The following HMCN2 variants were observed in gnomAD, a reference collection of about 807,000 sequenced individuals.
HMCN2 encodes hemicentin-2.
A neutral mutation model predicts 377.5 loss-of-function variants in HMCN2; 325 were observed. The ratio of observed to expected loss-of-function variants is 0.86; its 90% CI spans 0.79 to 0.94. HMCN2 has a LOEUF of 0.94. Ranked by LOEUF, HMCN2 falls within the 40% of genes least tolerant of loss-of-function variation. HMCN2 has a pLI of 0.00. For missense variants in HMCN2, 4,543 were observed against 4,725.3 expected (o/e 0.96, Z 1.13); for synonymous variants, 2,007 against 2,046.8 (o/e 0.98, Z 0.53).
intron 8 of HMCN2, among the ~76,000 whole-genome samples, chr9:130,301,461 G>A (rs1363144003): frequency 2.0e-5 from 3 of 152,246 alleles, no homozygotes; most frequent in African/African-American, 7.2e-5. Context: ...CTGGGAGGCT[G>A]GAATTTCGCC....
At chr9:130,429,491 T>C (rs1398850577) in intron 93 of HMCN2, 66 bp from the exon 94 acceptor site, 2 of 1,539,768 alleles carry the variant, frequency 1.3e-6, no homozygotes, top group Non-Finnish European at 1.8e-6. Context: ...AGGGGGATGG[T>C]CCGTCCCTTG....
intron 5 of HMCN2, among the ~76,000 whole-genome samples, chr9:130,295,442 G>A (rs1836073692): frequency 6.6e-6 from 1 of 152,102 alleles, no homozygotes; most frequent in African/African-American, 2.4e-5. Flanking sequence ...TTCTGAGGAT[G>A]TCATGAGCAC....
In HMCN2 at chr9:130,393,248, C is replaced by T; in HGVS notation, c.10173C>T (p.Phe3391=). 1.0e-6 allele frequency: 1 copy of T among 988,576 alleles called. No individual in the cohort carries two copies. Among genetic ancestry groups the T allele is most frequent in the Non-Finnish European group, 1.2e-6 (1 of 830,472 alleles). 61.2% of individuals were successfully genotyped at this position (988,576 alleles called of 1,614,324 possible). The change falls in exon 67 of 98, where the codon TTC becomes TTT. Residue 3391 remains phenylalanine (F), a synonymous_variant. Transcript: ENST00000683500. This position sits in a 1 kb window ranked among gnomAD's most constrained non-coding sequence, Gnocchi z 5.2. ...TGCAATTGGCAGACGCTGGCATCTT[C>T]ACCTGTGTGGCCGCAAGCCCAGCTG... is the stretch of plus-strand genomic sequence containing the variant. The part of the protein sequence containing the change: ...SKVQLADAGI[F]TCVAASPAGV...
At chr9:130,406,350 G>A in intron 82 of HMCN2, 182 bp downstream of exon 82, 1 of 406,818 alleles carries the variant, frequency 2.5e-6, no homozygotes, top group South Asian at 1.9e-5. Flanking sequence ...GTGGCCATAT[G>A]TGACAAGCCA....
chr9:130,419,141 A>G lies in HMCN2; in HGVS notation c.13231+100A>G, dbSNP rs555610459. On this transcript the variant is annotated intron_variant, in intron 86 of 97. Coordinates refer to ENST00000683500, the MANE Select transcript of HMCN2 (RefSeq NM_001291815.2). The stretch of plus-strand genomic sequence containing the variant: ...TGGGAGACCTGTCCCCTGCCTTGCC[A>G]GCTCCCCACCTCTTCCCTTTGCTTC... 47 of 1,185,744 alleles carry G rather than the reference A, an allele frequency of 4.0e-5. No homozygotes were observed. In the African/African-American group the frequency reaches 6.9e-4, roughly 17 times the overall value. 73.5% of individuals were successfully genotyped at this position (1,185,744 alleles called of 1,614,324 possible).
intron 4 of HMCN2, among the ~76,000 whole-genome samples, chr9:130,294,621 C>T (rs1286366715): frequency 6.6e-6 from 1 of 152,214 alleles, no homozygotes; most frequent in African/African-American, 2.4e-5. Flanking sequence ...TAGAGGGACA[C>T]ACCCTTGCTC....
chr9:130,364,636 C>A, intron 40 of HMCN2, 78 bp from the exon 41 acceptor site: 1 of 790,908 alleles, frequency 1.3e-6, no homozygotes, highest in Non-Finnish European at 1.5e-6. Context: ...AGTAGCTAGG[C>A]CTGACCCAGG....
In HMCN2 at chr9:130,422,804, C is replaced by A; in HGVS notation, c.13381+78C>A. ...GAGCATCCTCCAGAACATGCTGGAC[C>A]TAGGAGGCGCAGAGCCTGTGCCCCG... On this transcript the variant is annotated intron_variant, in intron 87 of 97. Transcript: ENST00000683500. This position sits in a 1 kb window ranked among gnomAD's most constrained non-coding sequence, Gnocchi z 4.2. 8.7e-7 allele frequency: 1 copy of A among 1,151,926 alleles called. No homozygotes were observed. Among genetic ancestry groups the A allele is most frequent in the Non-Finnish European group, 1.1e-6 (1 of 908,394 alleles). The allele number at this position is 1,151,926 out of a possible 1,614,324, so 71.4% of individuals were successfully genotyped here.
intron 1 of HMCN2, 61 bp downstream of exon 1, chr9:130,266,198 C>A (rs1407734953): frequency 3.0e-6 from 1 of 328,484 alleles, no homozygotes; most frequent in Non-Finnish European, 5.7e-6. Context: ...ACCTGCCTGA[C>A]CCCCTCAGTT....
chr9:130,313,351 G>A (rs1444342025), intron 15 of HMCN2, among the ~76,000 whole-genome samples: 1 of 146,154 alleles, frequency 6.8e-6, no homozygotes, highest in Non-Finnish European at 1.6e-5. Context: ...AGGAGGGCCT[G>A]CACTTGTGGA....
chr9:130,354,863 C>A lies in HMCN2; in HGVS notation c.4965C>A (p.Ser1655=). Residue 1655 remains serine (S), a synonymous_variant, in exon 32 of 98, where the codon TCC becomes TCA. Coordinates refer to ENST00000683500, the MANE Select transcript of HMCN2 (RefSeq NM_001291815.2). Reference sequence around the variant, plus strand: ...AGTGCGTGGCCAGAGGCCACCCGTCCCCCACCCTCTCCTGGCACCACGAGG... The same window carrying A: ...AGTGCGTGGCCAGAGGCCACCCGTCACCCACCCTCTCCTGGCACCACGAGG... ...ALECVARGHP[S]PTLSWHHEGL... 4 of 1,304,270 alleles carry A rather than the reference C, an allele frequency of 3.1e-6. No individual in the cohort carries two copies. The highest frequency in any genetic ancestry group is 4.0e-6 in the Non-Finnish European group (4 of 988,944). The allele number at this position is 1,304,270 out of a possible 1,614,324, so 80.8% of individuals were successfully genotyped here. A position where few individuals can be genotyped will look rare whatever the true frequency, so the allele number is the denominator to read the frequency against.
intron 7 of HMCN2, 83 bp downstream of exon 7, chr9:130,296,877 G>T (rs577841975): frequency 1.3e-4 from 60 of 446,474 alleles, no homozygotes; most frequent in Middle Eastern, 1.2e-3. Flanking sequence ...GGGGAGGTGT[G>T]GGGGGAATGC....
chr9:130,433,583 C>T lies in HMCN2; in HGVS notation c.15130C>T (p.Arg5044Cys). ...LRAGLGAVYT[R>C]RALTRAGLYR... is the part of the protein sequence containing the mutation. ...CGCGGGCCTTGGCGCGGTCTACACC[C>T]GTCGCGCGCTCACCCGCGCCGGCCT... Residue 5044 changes from arginine (R) to cysteine (C), a missense_variant, in exon 98 of 98, where the codon CGT becomes TGT. Around this residue, in one of 5 missense-constraint regions of HMCN2, gnomAD observed 1,155 missense variants for 1,157.7 expected, o/e 1.00. Transcript: ENST00000683500. The T allele has an allele frequency of 6.6e-7, 1 of 1,508,444 alleles. No individual in the cohort carries two copies. The highest frequency in any genetic ancestry group is 8.8e-7 in the Non-Finnish European group (1 of 1,131,148). The allele number at this position is 1,508,444 out of a possible 1,614,324, so 93.4% of individuals were successfully genotyped here. A position where few individuals can be genotyped will look rare whatever the true frequency, so the allele number is the denominator to read the frequency against.
intron 44 of HMCN2, 40 bp downstream of exon 44, chr9:130,368,477 T>C: frequency 3.1e-6 from 3 of 976,146 alleles, no homozygotes; most frequent in African/African-American, 1.8e-5. Context: ...TCTGGGATCA[T>C]GGACTGGCTG....
rs1475067143 is a variant in HMCN2, at chr9:130,351,358, G to T, written c.4431-65G>T. The T allele has an allele frequency of 8.3e-7, 1 of 1,205,608 alleles. No individual in the cohort carries two copies. Among genetic ancestry groups the T allele is most frequent in the Non-Finnish European group, 1.1e-6 (1 of 920,284 alleles). The allele number at this position is 1,205,608 out of a possible 1,614,324, so 74.7% of individuals were successfully genotyped here. A position where few individuals can be genotyped will look rare whatever the true frequency, so the allele number is the denominator to read the frequency against. ...GCTTTTTACAAGCCACACACTCCCT[G>T]TGTGCAGCGTGTCCCATCCAGCCCC... On this transcript the variant is annotated intron_variant, in intron 29 of 97. Coordinates refer to ENST00000683500, the MANE Select transcript of HMCN2 (RefSeq NM_001291815.2). This position sits in a 1 kb window ranked among gnomAD's most constrained non-coding sequence, Gnocchi z 5.4.
At chr9:130,385,860 T>C (rs1841998496) in intron 60 of HMCN2, 98 bp downstream of exon 60, 2 of 811,198 alleles carry the variant, frequency 2.5e-6, no homozygotes, top group Non-Finnish European at 3.5e-6. Context: ...AGGATGTGAG[T>C]TGCTGCCTCC....
chr9:130,382,171 C>T lies in HMCN2; in HGVS notation c.8432-13C>T, dbSNP rs368788718. On this transcript the variant is annotated splice_polypyrimidine_tract_variant and intron_variant, in intron 54 of 97. Transcript: ENST00000683500. Reference sequence around the variant, plus strand: ...CGTGCCTGAGCCCAGGCCTCTGTCCCGTGTCCCTGCAGGAGGCCGGGTCCT... The same window carrying T: ...CGTGCCTGAGCCCAGGCCTCTGTCCTGTGTCCCTGCAGGAGGCCGGGTCCT... The T allele has an allele frequency of 1.7e-5, 17 of 983,074 alleles. No individual in the cohort carries two copies. The highest frequency in any genetic ancestry group is 5.2e-5 in the African/African-American group (3 of 57,172). The allele number at this position is 983,074 out of a possible 1,614,324, so 60.9% of individuals were successfully genotyped here.
intron 82 of HMCN2, 96 bp downstream of exon 82, chr9:130,406,264 A>G: frequency 9.5e-7 from 1 of 1,053,566 alleles, no homozygotes; most frequent in Non-Finnish European, 1.3e-6. Context: ...GTGGAAAGGA[A>G]GAGGTTGTCA....
intron 90 of HMCN2, among the ~76,000 whole-genome samples, chr9:130,426,947 C>A (rs1844411893): frequency 6.6e-6 from 1 of 152,150 alleles, no homozygotes; most frequent in Non-Finnish European, 1.5e-5. Flanking sequence ...TTTGCTTTTG[C>A]TGCCCGTCTG....
Sources: gnomAD v4.1 joint callset for allele counts (sites outside exome capture counted in the v4.1 genomes callset) on GRCh38, gnomAD v4.1.1 for gene constraint, gnomAD v4.1.1 regional missense constraint, Gnocchi (gnomAD v3.1) non-coding constraint, MANE v1.5 for transcripts, NCBI Gene and HGNC (gene_info 2026-07-23, HGNC 2026-07-21) for gene names.